The following MYOM2 variants were observed in gnomAD, a reference collection of about 807,000 sequenced individuals.
MYOM2 encodes the protein myomesin-2.
MYOM2 carries 254 observed loss-of-function variants against 187.6 expected under a neutral mutation model. The observed-to-expected ratio is 1.35, with a 90% CI of 1.22 to 1.50. The LOEUF (loss-of-function observed/expected upper bound fraction) is 1.50. MYOM2 is among the 40% of genes most tolerant of loss of function. MYOM2 has a pLI of 0.00. For missense variants in MYOM2, 2,796 were observed against 1,924.0 expected (o/e 1.45, Z -8.48); for synonymous variants, 981 against 753.8 (o/e 1.30, Z -4.94).
intron 13 of MYOM2, among the ~76,000 whole-genome samples, chr8:2,084,431 G>C (rs1051648625): frequency 6.6e-6 from 1 of 152,220 alleles, no homozygotes; most frequent in Non-Finnish European, 1.5e-5. Context: ...ATGGCTCAGA[G>C]ATGTCCCGGG....
intron 27 of MYOM2, among the ~76,000 whole-genome samples, chr8:2,116,821 C>CA (rs1303064358): frequency 2.6e-5 from 4 of 152,056 alleles, no homozygotes; most frequent in African/African-American, 9.7e-5. Context: ...GCGGTGATGC[C>CA]ATCTTGGCTC....
chr8:2,085,517 C>CCCCCACAGTCGTGATCTCTGCGTGG, intron 14 of MYOM2, 127 bp downstream of exon 14: 2 of 506,714 alleles, frequency 3.9e-6, no homozygotes, highest in South Asian at 5.2e-5. Flanking sequence ...TCCGCGTGGC[C>CCCCCACAGTCGTGATCTCTGCGTGG]CCCCACTGTT....
Position 2,079,549 on chromosome 8 carries a change from T to C in MYOM2, c.1463-11T>C. The C allele has an allele frequency of 6.2e-7, 1 of 1,614,076 alleles. No homozygotes were observed. Reference sequence around the variant, plus strand: ...GCATGTCAAATCGAGTGTCAACCTTTCTCTCCGCAGCCGTTCATTTGGAGG... The same window carrying C: ...GCATGTCAAATCGAGTGTCAACCTTCCTCTCCGCAGCCGTTCATTTGGAGG... On this transcript the variant is annotated splice_polypyrimidine_tract_variant and intron_variant, in intron 12 of 36. Transcript: ENST00000262113.
intron 32 of MYOM2, among the ~76,000 whole-genome samples, chr8:2,137,523 T>A (rs1254237423): frequency 6.6e-6 from 1 of 151,992 alleles, no homozygotes; most frequent in Non-Finnish European, 1.5e-5. Flanking sequence ...CGGGTCTGTG[T>A]GTGTGCAGGA....
intron 32 of MYOM2, among the ~76,000 whole-genome samples, chr8:2,132,443 TA>T (rs1416427286): frequency 6.6e-6 from 1 of 152,228 alleles, no homozygotes; most frequent in Non-Finnish European, 1.5e-5. Flanking sequence ...AAAATGTTCT[TA>T]AGAGAAAAGA....
intron 1 of MYOM2, among the ~76,000 whole-genome samples, chr8:2,045,801 C>T (rs1345895037): frequency 6.6e-6 from 1 of 152,210 alleles, no homozygotes; most frequent in East Asian, 1.9e-4. Context: ...TGTGCCTTCT[C>T]AGGGCGTGCT....
chr8:2,098,055 C>G (rs1471388473), intron 18 of MYOM2: 7 of 152,204 alleles, frequency 4.6e-5, no homozygotes, highest in African/African-American at 1.7e-4. Context: ...CCTTTTGTCC[C>G]TGGGTCATCT....
At chr8:2,112,005 C>A (rs188732443) in intron 25 of MYOM2, among the ~76,000 whole-genome samples, 53 of 152,284 alleles carry the variant, frequency 3.5e-4, no homozygotes, top group African/African-American at 1.1e-3. Context: ...TTTATTCACA[C>A]GTAAACCCTG....
chr8:2,051,212 C>T (rs1433263361), intron 2 of MYOM2, among the ~76,000 whole-genome samples: 2 of 152,180 alleles, frequency 1.3e-5, no homozygotes, highest in African/African-American at 2.4e-5. Flanking sequence ...GAGATTGAAA[C>T]TGGTGGGAAA....
Position 2,090,470 on chromosome 8 carries a change from A to T in MYOM2, c.1828+279A>T, listed in dbSNP as rs527344452. ...CTTTTATTGTTTTATTTAAACTTTT[A>T]AAAAAACTTTTATTTTAGGTTCAGG... On this transcript the variant is annotated intron_variant, in intron 15 of 36. Transcript: ENST00000262113. Among the ~76,000 whole-genome samples the T allele has an allele frequency of 1.0e-3, 158 of 152,270 alleles. 2 individuals carry two copies. In the South Asian group the frequency reaches 0.03, roughly 29 times the overall value.
intron 1 of MYOM2, among the ~76,000 whole-genome samples, chr8:2,048,298 C>T (rs569292101): frequency 4.6e-5 from 7 of 152,226 alleles, no homozygotes; most frequent in Admixed American, 4.6e-4. Context: ...TCTTCCCCAA[C>T]CTTGGTCCAA....
chr8:2,090,113 C>A lies in MYOM2; in HGVS notation c.1750C>A (p.Arg584=). The A allele has an allele frequency of 6.2e-7, 1 of 1,614,076 alleles. No individual in the cohort carries two copies. Among genetic ancestry groups the A allele is most frequent in the Non-Finnish European group, 8.5e-7 (1 of 1,180,012 alleles). ...DLMEGKSYVF[R]VLSANRHGLS... ...CATGGAAGGGAAGTCTTATGTGTTCCGAGTGCTGTCAGCAAACCGGCATGG... is the reference window on the plus strand; with the variant it reads ...CATGGAAGGGAAGTCTTATGTGTTCAGAGTGCTGTCAGCAAACCGGCATGG... Residue 584 remains arginine, a synonymous_variant, in exon 15 of 37, where the codon CGA becomes AGA. Coordinates refer to ENST00000262113, the MANE Select transcript of MYOM2 (RefSeq NM_003970.4).
In MYOM2 at chr8:2,145,148, C is replaced by T. The variant is rs1318919017; in HGVS notation, c.*167C>T. The T allele has an allele frequency of 1.1e-5, 8 of 714,730 alleles. No individual in the cohort carries two copies. The highest frequency in any genetic ancestry group is 1.8e-5 in the Non-Finnish European group (8 of 436,390). The allele number at this position is 714,730 out of a possible 1,614,324, so 44.3% of individuals were successfully genotyped here. ...GCATTTGGTGATGAATATTTTATAC[C>T]CGTCTAAGGGAGAAAGCTAATGTTT... On this transcript the variant is annotated 3_prime_UTR_variant, in exon 37 of 37. Coordinates refer to ENST00000262113, the MANE Select transcript of MYOM2 (RefSeq NM_003970.4).
chr8:2,085,447 A>ATCTCTGTGTGGCCCCCCACTGTCG (rs1819789030), intron 14 of MYOM2, 57 bp downstream of exon 14: 8 of 1,342,888 alleles, frequency 6.0e-6, no homozygotes, highest in Middle Eastern at 2.1e-4. Context: ...CCCCACTGTC[A>ATCTCTGTGTGGCCCCCCACTGTCG]TGATCTCTGC....
intron 20 of MYOM2, among the ~76,000 whole-genome samples, chr8:2,101,566 T>C (rs1359814496): frequency 6.6e-6 from 1 of 152,110 alleles, no homozygotes; most frequent in East Asian, 1.9e-4. Flanking sequence ...GACAGAACAG[T>C]GCCTTGAGGA....
intron 3 of MYOM2, among the ~76,000 whole-genome samples, chr8:2,055,557 G>A (rs148514933): frequency 6.6e-6 from 1 of 152,282 alleles, no homozygotes; most frequent in East Asian, 1.9e-4. Context: ...CGATTCCTAA[G>A]GAGATAAATC....
intron 34 of MYOM2, among the ~76,000 whole-genome samples, chr8:2,141,659 G>A (rs1419872149): frequency 6.6e-6 from 1 of 152,094 alleles, no homozygotes; most frequent in Non-Finnish European, 1.5e-5. Flanking sequence ...TCTCAGGGTT[G>A]GAATGTTTTT....
At chr8:2,143,526 G>T (rs2116928629) in intron 36 of MYOM2, 70 bp downstream of exon 36, 1 of 1,592,590 alleles carries the variant, frequency 6.3e-7, no homozygotes, top group East Asian at 2.2e-5. Flanking sequence ...CTTCTCTTGG[G>T]GCGGAGCAGA....
At chr8:2,075,396 A>G (rs1819382787) in intron 10 of MYOM2, among the ~76,000 whole-genome samples, 2 of 152,156 alleles carry the variant, frequency 1.3e-5, no homozygotes, top group Non-Finnish European at 2.9e-5. Flanking sequence ...AACCATTTTC[A>G]TCGCTTTCTG....
Sources: allele counts gnomAD v4.1 joint callset (sites outside exome capture counted in the v4.1 genomes callset), GRCh38; gene constraint gnomAD v4.1.1; transcripts MANE v1.5; gene names NCBI Gene and HGNC (gene_info 2026-07-23, HGNC 2026-07-21).